NWD2: variants seen among roughly 807,000 people sequenced by gnomAD.
NWD2 encodes NACHT and WD repeat domain-containing protein 2.
In NWD2, 37 loss-of-function variants were observed where a neutral mutation model predicts 132.7. The ratio of observed to expected loss-of-function variants is 0.28; its 90% CI spans 0.21 to 0.37. The LOEUF is 0.37. NWD2 is among the 10% of genes least tolerant of loss of function. The pLI, the probability that NWD2 is intolerant of heterozygous loss-of-function variation, is 1.00. For synonymous variants in NWD2, 705 were observed against 803.0 expected (o/e 0.88, Z 2.06); for missense variants, 1,592 against 2,122.4 (o/e 0.75, Z 4.91).
intron 1 of NWD2, among the ~76,000 whole-genome samples, chr4:37,272,075 C>T (rs1297464102): frequency 6.6e-6 from 1 of 151,532 alleles, no homozygotes; most frequent in African/African-American, 2.4e-5. Context: ...TTTTTTATTC[C>T]TTGATTCTGT....
chr4:37,357,991 A>C (rs1719904773), intron 3 of NWD2, among the ~76,000 whole-genome samples: 1 of 152,128 alleles, frequency 6.6e-6, no homozygotes, highest in Non-Finnish European at 1.5e-5. Context: ...ACAAGTATGA[A>C]TAGGGAGGAG....
chr4:37,406,646 C>T (rs1306965045), intron 3 of NWD2, among the ~76,000 whole-genome samples: 2 of 152,142 alleles, frequency 1.3e-5, no homozygotes, highest in Admixed American at 6.5e-5. Flanking sequence ...ACCTGTAATC[C>T]CAGCACTTTG....
intron 1 of NWD2, among the ~76,000 whole-genome samples, chr4:37,307,911 T>A (rs896423664): frequency 5.3e-5 from 8 of 152,110 alleles, no homozygotes; most frequent in Non-Finnish European, 1.0e-4. Context: ...CTTGATTTTT[T>A]AAAAAAATGG....
chr4:37,413,685 G>T (rs181578162), intron 3 of NWD2, among the ~76,000 whole-genome samples: 22 of 152,138 alleles, frequency 1.4e-4, no homozygotes, highest in Admixed American at 1.4e-3. Context: ...TGTTTATTGC[G>T]GTGTGGTTCA....
chr4:37,286,969 T>A (rs989712508), intron 1 of NWD2, among the ~76,000 whole-genome samples: 2 of 152,018 alleles, frequency 1.3e-5, no homozygotes, highest in African/African-American at 4.8e-5. Context: ...CATCAGGGTA[T>A]CCAGGTTCTC....
rs139002119 is a variant in NWD2 at position 37,317,389 on chromosome 4, A to G, written c.152-8547A>G. ...CCTTGTTACATTTCGATGAAGCCAT[A>G]TGCTAGCTGAGGCACTGAACTTACC... On this transcript the variant is annotated intron_variant, in intron 1 of 6. Transcript: ENST00000309447. Among the ~76,000 whole-genome samples the G allele has an allele frequency of 8.5e-5, 13 of 152,318 alleles. No individual in the cohort carries two copies. The East Asian group carries it at 2.5e-3, about 29-fold the overall frequency.
Position 37,439,065 on chromosome 4 carries a change from G to C in NWD2, c.971G>C (p.Cys324Ser). Residue 324 changes from cysteine (C) to serine (S), a missense_variant, in exon 6 of 7, where the codon TGT becomes TCT. By Grantham distance (112) the Cys-to-Ser change is moderately radical. Coordinates refer to ENST00000309447, the MANE Select transcript of NWD2 (RefSeq NM_001144990.2). The surrounding 1 kb of genome is among the most constrained non-coding windows in gnomAD (Gnocchi z 4.5). ...AGAGTGTACACATCTGTTACTCATT[G>C]TGACATGAAACTAGGCTACTCCCAA... ...NLRVYTSVTH[C>S]DMKLGYSQEI... 1 of 1,551,802 alleles carries C rather than the reference G, an allele frequency of 6.4e-7. No homozygotes were observed. The highest frequency in any genetic ancestry group is 1.2e-5 in the South Asian group (1 of 84,048).
chr4:37,430,570 A>T lies in NWD2; in HGVS notation c.358-2A>T. On this transcript the variant is annotated splice_acceptor_variant, in intron 3 of 6. Transcript: ENST00000309447. LOFTEE classifies it high-confidence loss of function. ...AAATTGAACTTTCTTGTTGATACAC[A>T]GGGACTATTAGGTGAAAAATATGGG... 1 of 1,550,082 alleles carries T rather than the reference A, an allele frequency of 6.5e-7. No individual in the cohort carries two copies. The highest frequency in any genetic ancestry group is 8.7e-7 in the Non-Finnish European group (1 of 1,145,590).
At position 37,316,669 on chromosome 4, in the gene NWD2, T is replaced by G. The variant is rs556369030; in HGVS notation, c.152-9267T>G. Among the ~76,000 whole-genome samples the G allele has an allele frequency of 2.8e-3, 425 of 152,324 alleles. 3 individuals carry two copies. The highest frequency in any genetic ancestry group is 9.6e-3 in the African/African-American group (399 of 41,586). Reference sequence around the variant, plus strand: ...GGGGCTTGGTTCATTTTCCTTATTGTTTAAACATTGTTAACTTAATTTTCT... The same window carrying G: ...GGGGCTTGGTTCATTTTCCTTATTGGTTAAACATTGTTAACTTAATTTTCT... On this transcript the variant is annotated intron_variant, in intron 1 of 6. Transcript: ENST00000309447.
At chr4:37,294,973 G>A (rs1265106109) in intron 1 of NWD2, among the ~76,000 whole-genome samples, 1 of 152,172 alleles carries the variant, frequency 6.6e-6, no homozygotes, top group African/African-American at 2.4e-5. Context: ...GGGAAAGGAG[G>A]GAGGGTATGG....
At position 37,245,744 on chromosome 4, in the gene NWD2, TG is replaced by T. The variant is rs1246146703; in HGVS notation, c.151+527del. Among the ~76,000 whole-genome samples the T allele has an allele frequency of 4.6e-5, 7 of 152,082 alleles. No homozygotes were observed. In the East Asian group the frequency reaches 1.4e-3, roughly 29 times the overall value. On this transcript the variant is annotated intron_variant, in intron 1 of 6. Transcript: ENST00000309447. The stretch of plus-strand genomic sequence containing the variant: ...TTTGCAGAGGCCAAGCAGACTTTTG[TG>T]AACCGGAGGTCGAGGGGGACACCCT...
intron 3 of NWD2, among the ~76,000 whole-genome samples, chr4:37,413,516 A>G (rs1428471481): frequency 1.3e-5 from 2 of 152,176 alleles, no homozygotes; most frequent in African/African-American, 4.8e-5. Flanking sequence ...CTTTTACACT[A>G]TTGGTGAGAG....
At chr4:37,360,992 C>G (rs1335213415) in intron 3 of NWD2, among the ~76,000 whole-genome samples, 5 of 152,082 alleles carry the variant, frequency 3.3e-5, no homozygotes, top group Non-Finnish European at 4.4e-5. Flanking sequence ...ACTGATCCCA[C>G]AGAAATACAA....
intron 1 of NWD2, among the ~76,000 whole-genome samples, chr4:37,290,275 A>G (rs778298113): frequency 6.6e-6 from 1 of 152,228 alleles, no homozygotes; most frequent in East Asian, 1.9e-4. Flanking sequence ...GGAGACTGAC[A>G]CATAAACCAA....
intron 3 of NWD2, among the ~76,000 whole-genome samples, chr4:37,397,258 G>A (rs1720814532): frequency 6.6e-6 from 1 of 152,162 alleles, no homozygotes; most frequent in South Asian, 2.1e-4. Context: ...CTGAGGTTTA[G>A]GGAAAGTCCT....
Position 37,446,168 on chromosome 4 carries a change from C to T in NWD2, c.4180C>T (p.Arg1394Ter), listed in dbSNP as rs1427349210. 2 of 1,551,506 alleles carry T rather than the reference C, an allele frequency of 1.3e-6. No individual in the cohort carries two copies. The highest frequency in any genetic ancestry group is 1.4e-5 in the African/African-American group (1 of 73,032). ...WHTSSGENLFRINGQRISQLL... is the reference protein window; with the variant it reads ...WHTSSGENLF ...CACCAGCAGTGGTGAAAACCTTTTT[C>T]GAATTAACGGGCAGAGAATATCTCA... Residue 1394 changes from arginine to a stop codon, truncating the protein, a stop_gained, in exon 7 of 7, where the codon CGA (arginine) becomes TGA (stop). Coordinates refer to ENST00000309447, the MANE Select transcript of NWD2 (RefSeq NM_001144990.2). LOFTEE classifies it high-confidence loss of function. This position sits in a 1 kb window ranked among gnomAD's most constrained non-coding sequence, Gnocchi z 6.7.
chr4:37,304,092 G>T (rs558239255), intron 1 of NWD2, among the ~76,000 whole-genome samples: 1 of 152,284 alleles, frequency 6.6e-6, no homozygotes, highest in East Asian at 1.9e-4. Flanking sequence ...CAGTTCTGTA[G>T]GCTGTACAGG....
At chr4:37,286,955 C>T (rs530906862) in intron 1 of NWD2, among the ~76,000 whole-genome samples, 8 of 152,060 alleles carry the variant, frequency 5.3e-5, no homozygotes, top group Admixed American at 2.0e-4. Context: ...AATCCTTCAC[C>T]GGTCATCAGG....
chr4:37,310,739 C>T (rs1444028113), intron 1 of NWD2, among the ~76,000 whole-genome samples: 2 of 148,872 alleles, frequency 1.3e-5, no homozygotes, highest in South Asian at 2.2e-4. Context: ...CCCATTAACT[C>T]GTCATTTAGC....
Sources: gnomAD v4.1 joint callset for allele counts (sites outside exome capture counted in the v4.1 genomes callset) on GRCh38, gnomAD v4.1.1 for gene constraint, Gnocchi (gnomAD v3.1) non-coding constraint, MANE v1.5 for transcripts, NCBI Gene and HGNC (gene_info 2026-07-23, HGNC 2026-07-21) for gene names.